Variants in NOS2 observed in about 807,000 individuals in gnomAD.
NOS2 encodes the protein nitric oxide synthase, inducible.
NOS2 carries 96 observed loss-of-function variants against 136.0 expected under a neutral mutation model. The observed-to-expected ratio is 0.71, with a 90% CI of 0.60 to 0.84. The LOEUF (loss-of-function observed/expected upper bound fraction) is 0.84, where lower values mean the gene tolerates loss of function less well. Ranked by LOEUF, NOS2 falls within the 40% of genes least tolerant of loss-of-function variation. The probability of loss-of-function intolerance (pLI) is 0.00; values close to 1 mark genes in which losing one functional copy is unlikely to be tolerated. For synonymous variants in NOS2, 539 were observed against 587.5 expected, an observed-to-expected ratio of 0.92 and a Z score of 1.20; for missense variants, 1,237 against 1,496.9, an observed-to-expected ratio of 0.83 and a Z score of 2.87.
chr17:27,768,500 A>G (rs1229063952), intron 17 of NOS2, among the ~76,000 whole-genome samples: 2 of 152,078 alleles, frequency 1.3e-5, no homozygotes, highest in Non-Finnish European at 1.5e-5. Flanking sequence ...TGATGCTCCT[A>G]AGCACCACCG....
At chr17:27,766,418 C>T (rs1908304454) in intron 19 of NOS2, 92 bp downstream of exon 19, 1 of 1,169,282 alleles carries the variant, frequency 8.6e-7, no homozygotes, top group South Asian at 1.2e-5. Context: ...TGCTCTTCTC[C>T]TCTCCCTTCA....
intron 25 of NOS2, among the ~76,000 whole-genome samples, chr17:27,759,640 C>T (rs567074700): frequency 1.2e-4 from 18 of 152,220 alleles, no homozygotes; most frequent in Admixed American, 5.9e-4. Context: ...CAGGGGGTAA[C>T]GCGGCCCTGG....
chr17:27,774,316 T>G lies in NOS2; in HGVS notation c.1417A>C (p.Thr473Pro). The G allele has an allele frequency of 6.4e-7, 1 of 1,572,586 alleles. No individual in the cohort carries two copies. Among genetic ancestry groups the G allele is most frequent in the Non-Finnish European group, 8.6e-7 (1 of 1,160,242 alleles). The change falls in exon 12 of 27, where the codon ACC becomes CCC. Residue 473 changes from threonine to proline, a missense_variant. This residue lies in a region of NOS2 where 782 missense variants were observed against 909.9 expected (regional missense o/e 0.86). Coordinates refer to ENST00000313735, the MANE Select transcript of NOS2 (RefSeq NM_000625.4). ...AGCATCTCCTGGTGAAACACGGGGG[T>G]GATGCTCCCAGACATGGGAGGGACC... ...WLVPPMSGSI[T>P]PVFHQEMLNY...
intron 3 of NOS2, among the ~76,000 whole-genome samples, chr17:27,789,141 C>T (rs1329651565): frequency 1.3e-5 from 2 of 152,214 alleles, no homozygotes; most frequent in African/African-American, 2.4e-5. Flanking sequence ...CTCTCCTCAC[C>T]CAGGGCCTTG....
chr17:27,758,999 A>G lies in NOS2; in HGVS notation c.3236T>C (p.Leu1079Pro). The G allele has an allele frequency of 1.2e-6, 2 of 1,612,972 alleles. No individual in the cohort carries two copies. Among genetic ancestry groups the G allele is most frequent in the Non-Finnish European group, 1.7e-6 (2 of 1,179,634 alleles). Residue 1079 changes from leucine (L) to proline (P), a missense_variant, in exon 26 of 27, where the codon CTC becomes CCC. By Grantham distance (98) the Leu-to-Pro change is moderately conservative. Transcript: ENST00000313735. ...LRVLHKEPGH[L>P]YVCGDVRMAR... ...CATGCGCACATCCCCGCAAACATAG[A>G]GGTGGCCTGGCTCCTTGTGGAGCAC...
Position 27,778,966 on chromosome 17 carries a change from T to G in NOS2, c.1095A>C (p.Pro365=), listed in dbSNP as rs1908752375. Residue 365 remains proline, a synonymous_variant, in exon 10 of 27, where the codon CCA becomes CCC. Coordinates refer to ENST00000313735, the MANE Select transcript of NOS2 (RefSeq NM_000625.4). ...TGTACCAGCCATTGAAGGGGCACCC[T>G]GGGAACTCCAGGCCGCCCACCTCAA... ...MLLEVGGLEF[P]GCPFNGWYMG... 6.2e-7 allele frequency: 1 copy of G among 1,612,938 alleles called. No homozygotes were observed. Among genetic ancestry groups the G allele is most frequent in the Non-Finnish European group, 8.5e-7 (1 of 1,179,252 alleles).
chr17:27,769,424 T>A, intron 16 of NOS2, 111 bp downstream of exon 16: 1 of 943,126 alleles, frequency 1.1e-6, no homozygotes, highest in Non-Finnish European at 1.7e-6. Context: ...CAGGTCTCTG[T>A]GCCTGCACGG....
intron 2 of NOS2, among the ~76,000 whole-genome samples, chr17:27,790,079 GTTGACTGA>G (rs1909144877): frequency 6.6e-6 from 1 of 152,200 alleles, no homozygotes; most frequent in Admixed American, 6.5e-5. Context: ...ACTTGGATTG[GTTGACTGA>G]TTGACTGATT....
intron 9 of NOS2, among the ~76,000 whole-genome samples, chr17:27,780,402 G>A (rs1245121337): frequency 2.0e-5 from 3 of 152,204 alleles, no homozygotes; most frequent in Non-Finnish European, 2.9e-5. Context: ...ATATGATCCC[G>A]ACAGGAGAGG....
intron 13 of NOS2, 33 bp downstream of exon 13, chr17:27,773,128 A>C: frequency 6.6e-7 from 1 of 1,510,230 alleles, no homozygotes; most frequent in Non-Finnish European, 9.2e-7. Flanking sequence ...TATAGTTCAC[A>C]CATCACTACT....
Position 27,774,444 on chromosome 17 carries a change from T to A in NOS2, c.1289A>T (p.Asn430Ile). The change falls in exon 12 of 27, where the codon AAT (asparagine) becomes ATT (isoleucine). Residue 430 changes from asparagine to isoleucine, a missense_variant. Coordinates refer to ENST00000313735, the MANE Select transcript of NOS2 (RefSeq NM_000625.4). Reference sequence around the variant, plus strand: ...CGAGTGGTGGTCCATGATGGTCACATTCTGCTTCTGTATCAGAAGGCAAGA... The same window carrying A: ...CGAGTGGTGGTCCATGATGGTCACAATCTGCTTCTGTATCAGAAGGCAAGA... Reference protein sequence around the residue: ...IAVLHSFQKQNVTIMDHHSAA... With the variant: ...IAVLHSFQKQIVTIMDHHSAA... 1.4e-6 allele frequency: 2 copies of A among 1,477,574 alleles called. No homozygotes were observed. The highest frequency in any genetic ancestry group is 1.8e-6 in the Non-Finnish European group (2 of 1,107,276). The allele number at this position is 1,477,574 out of a possible 1,614,324, so 91.5% of individuals were successfully genotyped here.
chr17:27,793,434 C>A (rs1049402734), intron 2 of NOS2, among the ~76,000 whole-genome samples: 1 of 152,168 alleles, frequency 6.6e-6, no homozygotes. Flanking sequence ...ACCTCTCAAG[C>A]GTTCTAAAAG....
Position 27,773,247 on chromosome 17 carries a change from C to G in NOS2, c.1477-4G>C. ...CATGGGTTTTCCAGGCCTCTACCTT[C>G]AGAAAAGAAAGGAGATGTGAGGGCA... On this transcript the variant is annotated splice_region_variant and splice_polypyrimidine_tract_variant and intron_variant, in intron 12 of 26. Transcript: ENST00000313735. 6.2e-7 allele frequency: 1 copy of G among 1,611,904 alleles called. No individual in the cohort carries two copies.
rs1188622232 is a variant in NOS2, at chr17:27,788,725, G to A, written c.318+84C>T. ...AGCAGATGATTGTTTGGTTTGCCCA[G>A]GGGGACACCTGTTTGATCCACAAAG... On this transcript the variant is annotated intron_variant, in intron 4 of 26. Transcript: ENST00000313735. The A allele has an allele frequency of 4.6e-6, 7 of 1,526,460 alleles. No homozygotes were observed. In the African/African-American group the frequency reaches 9.6e-5, roughly 21 times the overall value. The allele number at this position is 1,526,460 out of a possible 1,614,324, so 94.6% of individuals were successfully genotyped here.
Position 27,795,541 on chromosome 17 carries a change from T to C in NOS2, c.110+3159A>G, listed in dbSNP as rs999433631. ...AGCCAGGGGAGTGGGCATCTGCATG[T>C]ACTCGTCAATGGAATGTGACATGCC... On this transcript the variant is annotated intron_variant, in intron 2 of 26. Transcript: ENST00000313735. Among the ~76,000 whole-genome samples, 125 of 152,206 alleles carry C rather than the reference T, an allele frequency of 8.2e-4. 10 individuals are homozygous for C. Among genetic ancestry groups the C allele is most frequent in the Non-Finnish European group, 1.5e-4 (10 of 68,040 alleles).
At chr17:27,758,182 A>C (rs549016215) in intron 26 of NOS2, among the ~76,000 whole-genome samples, 4 of 152,320 alleles carry the variant, frequency 2.6e-5, no homozygotes, top group South Asian at 2.1e-4. Context: ...TGCTCAATAA[A>C]TGTTCAGTTG....
At chr17:27,784,247 G>A (rs1468956072) in intron 5 of NOS2, among the ~76,000 whole-genome samples, 1 of 152,048 alleles carries the variant, frequency 6.6e-6, no homozygotes, top group Non-Finnish European at 1.5e-5. Flanking sequence ...TTTAAAGAAT[G>A]AACTCCTGAT....
intron 1 of NOS2, among the ~76,000 whole-genome samples, 195 bp from the exon 2 acceptor site, chr17:27,799,077 C>T (rs1170223338): frequency 6.6e-6 from 1 of 151,990 alleles, no homozygotes; most frequent in Non-Finnish European, 1.5e-5. Flanking sequence ...TGTAAAGCCA[C>T]CTAATAATCT....
chr17:27,770,848 G>T, intron 15 of NOS2, 65 bp downstream of exon 15: 2 of 1,214,770 alleles, frequency 1.6e-6, no homozygotes, highest in Non-Finnish European at 2.4e-6. Context: ...GCATCCCCCA[G>T]ACCCTTTCCT....
Sources: gnomAD v4.1 joint callset for allele counts (sites outside exome capture counted in the v4.1 genomes callset) on GRCh38, gnomAD v4.1.1 for gene constraint, gnomAD v4.1.1 regional missense constraint, MANE v1.5 for transcripts, NCBI Gene and HGNC (gene_info 2026-07-23, HGNC 2026-07-21) for gene names.